Variants in ZHX2 observed in about 807,000 individuals in gnomAD.
The protein encoded by ZHX2 is zinc fingers and homeoboxes 2.
A neutral mutation model predicts 21.9 loss-of-function variants in ZHX2; 6 were observed. That is an observed-to-expected ratio of 0.27 (90% CI 0.15 to 0.54). The LOEUF (loss-of-function observed/expected upper bound fraction) is 0.54. Among genes scored for constraint, ZHX2 ranks in the 20% least tolerant of loss-of-function variants. The pLI is 0.95. For missense variants in ZHX2, 908 were observed against 1,090.7 expected (o/e 0.83, Z 2.36); for synonymous variants, 434 against 437.1 (o/e 0.99, Z 0.09).
intron 1 of ZHX2, among the ~76,000 whole-genome samples, chr8:122,825,595 A>G (rs994003206): frequency 2.0e-5 from 3 of 152,204 alleles, no homozygotes; most frequent in Non-Finnish European, 2.9e-5. Flanking sequence ...GTCTCCTGAC[A>G]TATGAAGATA....
intron 1 of ZHX2, among the ~76,000 whole-genome samples, chr8:122,810,138 G>T (rs1488241689): frequency 6.6e-6 from 1 of 152,126 alleles, no homozygotes; most frequent in Non-Finnish European, 1.5e-5. Flanking sequence ...TTAATAAATG[G>T]CATAAATGAA....
At position 122,853,666 on chromosome 8, in the gene ZHX2, C is replaced by T. The variant is rs1818957661; in HGVS notation, c.-282-9811C>T. On this transcript the variant is annotated intron_variant, in intron 1 of 3. Coordinates refer to ENST00000314393, the MANE Select transcript of ZHX2 (RefSeq NM_014943.5). ...CGCTCCCCTCCTTGGAATTCATACT[C>T]TCCCACCCTTCTCTGGCTGGCAATT... Among the ~76,000 whole-genome samples the T allele has an allele frequency of 1.3e-5, 2 of 152,118 alleles. 1 individual carries two copies. The highest frequency in any genetic ancestry group is 4.1e-4 in the South Asian group (2 of 4,820).
At chr8:122,932,792 C>G (rs1015978759) in intron 2 of ZHX2, among the ~76,000 whole-genome samples, 11 of 152,134 alleles carry the variant, frequency 7.2e-5, no homozygotes, top group African/African-American at 2.4e-4. Flanking sequence ...AGTAAGATTC[C>G]CAGATTCCAG....
At chr8:122,844,203 T>C (rs956692440) in intron 1 of ZHX2, among the ~76,000 whole-genome samples, 2 of 152,182 alleles carry the variant, frequency 1.3e-5, no homozygotes, top group Non-Finnish European at 2.9e-5. Flanking sequence ...CACGCAGAGC[T>C]TGGAGATGCT....
intron 2 of ZHX2, among the ~76,000 whole-genome samples, chr8:122,942,784 G>A (rs1427422318): frequency 1.3e-5 from 2 of 152,188 alleles, no homozygotes; most frequent in Admixed American, 6.5e-5. Context: ...CTTCTCCCAG[G>A]GGCTGCAGGC....
At chr8:122,863,875 T>G (rs557280829) in intron 2 of ZHX2, among the ~76,000 whole-genome samples, 1 of 152,144 alleles carries the variant, frequency 6.6e-6, no homozygotes, top group African/African-American at 2.4e-5. Flanking sequence ...GGAGATATTC[T>G]TAGAACAGAG....
chr8:122,944,506 G>A (rs376079552), intron 2 of ZHX2, among the ~76,000 whole-genome samples: 3 of 151,944 alleles, frequency 2.0e-5, no homozygotes, highest in South Asian at 2.1e-4. Context: ...ACATCCACAC[G>A]TTCCACTGTC....
chr8:122,787,659 C>T (rs1025942836), intron 1 of ZHX2, among the ~76,000 whole-genome samples: 11 of 152,210 alleles, frequency 7.2e-5, no homozygotes, highest in Non-Finnish European at 1.2e-4. Flanking sequence ...TGAGTTAGCT[C>T]TTTCTTTGGG....
intron 2 of ZHX2, among the ~76,000 whole-genome samples, chr8:122,884,839 C>A (rs561924574): frequency 6.6e-6 from 1 of 152,308 alleles, no homozygotes; most frequent in Non-Finnish European, 1.5e-5. Flanking sequence ...AAGAACACCC[C>A]TTCAGAAGAT....
intron 1 of ZHX2, among the ~76,000 whole-genome samples, chr8:122,861,625 C>T (rs192969697): frequency 2.8e-4 from 43 of 152,072 alleles, no homozygotes; most frequent in African/African-American, 9.4e-4. Context: ...GTGATGTCCC[C>T]CTCCTCATCA....
intron 1 of ZHX2, among the ~76,000 whole-genome samples, chr8:122,841,798 G>A (rs368662376): frequency 2.1e-4 from 32 of 152,140 alleles, no homozygotes; most frequent in African/African-American, 7.0e-4. Flanking sequence ...GCCGCTAAGC[G>A]TCTGTGTGAG....
chr8:122,835,221 T>C (rs374626181), intron 1 of ZHX2, among the ~76,000 whole-genome samples: 15 of 152,388 alleles, frequency 9.8e-5, no homozygotes, highest in Admixed American at 3.3e-4. Context: ...ACTCTAACAA[T>C]ACCTTCATTT....
In ZHX2 at chr8:122,918,489, C is replaced by T. The variant is rs368467829; in HGVS notation, c.-219-32803C>T. 8.2e-4 allele frequency among the ~76,000 whole-genome samples: 125 copies of T among 152,330 alleles called. 4 individuals carry two copies. The South Asian group carries it at 0.025, about 31-fold the overall frequency. On this transcript the variant is annotated intron_variant, in intron 2 of 3. Transcript: ENST00000314393. Reference sequence around the variant, plus strand: ...CTCGCCTTTGCCTTGCCCCTCATCCCACTTCTGTTGCACTTCTCACCTCGT... The same window carrying T: ...CTCGCCTTTGCCTTGCCCCTCATCCTACTTCTGTTGCACTTCTCACCTCGT...
At chr8:122,917,214 C>A (rs1215148536) in intron 2 of ZHX2, among the ~76,000 whole-genome samples, 2 of 152,164 alleles carry the variant, frequency 1.3e-5, no homozygotes, top group Non-Finnish European at 2.9e-5. Context: ...CAGTCAGCCC[C>A]CTAACTATTT....
At chr8:122,850,945 G>T (rs981470987) in intron 1 of ZHX2, among the ~76,000 whole-genome samples, 3 of 152,188 alleles carry the variant, frequency 2.0e-5, no homozygotes, top group African/African-American at 7.2e-5. Context: ...CTGGACCTGG[G>T]GCTCGCCCTG....
chr8:122,937,249 G>A (rs1812721252), intron 2 of ZHX2, among the ~76,000 whole-genome samples: 1 of 152,232 alleles, frequency 6.6e-6, no homozygotes, highest in African/African-American at 2.4e-5. Flanking sequence ...GGAAGGCCTG[G>A]GGCATAGCAG....
chr8:122,866,367 G>A (rs773434276), intron 2 of ZHX2, among the ~76,000 whole-genome samples: 24 of 152,076 alleles, frequency 1.6e-4, no homozygotes, highest in Non-Finnish European at 3.2e-4. Context: ...GATAAAAATT[G>A]CATTCGCCTG....
chr8:122,904,892 A>G (rs993426055), intron 2 of ZHX2, among the ~76,000 whole-genome samples: 4 of 152,226 alleles, frequency 2.6e-5, no homozygotes, highest in African/African-American at 9.6e-5. Context: ...AAATGTTTCA[A>G]TAAGCAAATA....
intron 1 of ZHX2, among the ~76,000 whole-genome samples, chr8:122,843,108 C>T (rs1218402877): frequency 6.6e-6 from 1 of 152,216 alleles, no homozygotes; most frequent in Non-Finnish European, 1.5e-5. Context: ...TCCCTGACAG[C>T]ATGGTAACTT....
Sources: gnomAD v4.1 joint callset for allele counts (sites outside exome capture counted in the v4.1 genomes callset) on GRCh38, gnomAD v4.1.1 for gene constraint, MANE v1.5 for transcripts, NCBI Gene and HGNC (gene_info 2026-07-23, HGNC 2026-07-21) for gene names.